The following ST6GALNAC3 variants were observed in gnomAD, a reference collection of about 807,000 sequenced individuals.
The protein encoded by ST6GALNAC3 is ST6 N-acetylgalactosaminide alpha-2,6-sialyltransferase 3, also known as alpha-N-acetylgalactosaminide alpha-2,6-sialyltransferase 3.
ST6GALNAC3 carries 25 observed loss-of-function variants against 32.7 expected under a neutral mutation model. The ratio of observed to expected loss-of-function variants is 0.76; its 90% CI spans 0.56 to 1.07. The LOEUF (loss-of-function observed/expected upper bound fraction) is 1.07, where lower values mean the gene tolerates loss of function less well. Among genes scored for constraint, ST6GALNAC3 ranks in the 50% least tolerant of loss-of-function variants. The pLI, the probability that ST6GALNAC3 is intolerant of heterozygous loss-of-function variation, is 0.00. For synonymous variants in ST6GALNAC3, 129 were observed against 133.1 expected, an observed-to-expected ratio of 0.97 and a Z score of 0.21; for missense variants, 355 against 382.4, an observed-to-expected ratio of 0.93 and a Z score of 0.60.
intron 3 of ST6GALNAC3, among the ~76,000 whole-genome samples, chr1:76,577,699 G>A (rs1161124672): frequency 1.3e-5 from 2 of 151,930 alleles, no homozygotes; most frequent in Non-Finnish European, 2.9e-5. Context: ...CCCATTAGTG[G>A]TCATGGAAAC....
chr1:76,528,963 A>G lies in ST6GALNAC3; in HGVS notation c.624-98489A>G, dbSNP rs114136192. On this transcript the variant is annotated intron_variant, in intron 3 of 4. Transcript: ENST00000328299. The stretch of plus-strand genomic sequence containing the variant: ...AGCAGTGGGAAACAGGACTTGGAAT[A>G]TAAGTATGCCAATATCATGAACACT... 1.8e-3 allele frequency among the ~76,000 whole-genome samples: 276 copies of G among 151,434 alleles called. 1 individual carries two copies. Among genetic ancestry groups the G allele is most frequent in the African/African-American group, 6.1e-3 (251 of 41,290 alleles).
intron 3 of ST6GALNAC3, among the ~76,000 whole-genome samples, chr1:76,475,925 C>T (rs1228956895): frequency 2.6e-5 from 4 of 152,118 alleles, no homozygotes; most frequent in African/African-American, 9.7e-5. Context: ...GTTCAACTCC[C>T]ACTTATAGGT....
intron 4 of ST6GALNAC3, among the ~76,000 whole-genome samples, chr1:76,628,240 T>C (rs1342738576): frequency 6.6e-6 from 1 of 151,944 alleles, no homozygotes; most frequent in Non-Finnish European, 1.5e-5. Flanking sequence ...TGAACAAATA[T>C]TTCTTCCCTA....
At chr1:76,286,482 C>T (rs1196001398) in intron 1 of ST6GALNAC3, among the ~76,000 whole-genome samples, 8 of 152,202 alleles carry the variant, frequency 5.3e-5, no homozygotes, top group Admixed American at 5.2e-4. Flanking sequence ...CATCGGACGC[C>T]AGTCTCCTAT....
intron 1 of ST6GALNAC3, among the ~76,000 whole-genome samples, chr1:76,300,857 G>A (rs1267073856): frequency 1.3e-5 from 2 of 151,974 alleles, no homozygotes; most frequent in African/African-American, 4.8e-5. Context: ...GGAGGGGCAG[G>A]ACGGTTTCAC....
At chr1:76,414,622 G>A (rs934582740) in intron 3 of ST6GALNAC3, among the ~76,000 whole-genome samples, 15 of 152,084 alleles carry the variant, frequency 9.9e-5, no homozygotes, top group Admixed American at 8.5e-4. Flanking sequence ...CACTAGTGGT[G>A]TAATGAGCCT....
intron 3 of ST6GALNAC3, among the ~76,000 whole-genome samples, chr1:76,498,221 A>G (rs1286763549): frequency 6.6e-6 from 1 of 152,214 alleles, no homozygotes; most frequent in African/African-American, 2.4e-5. Context: ...ATTTAAGTTT[A>G]GAGAAGGTTG....
chr1:76,181,774 T>C (rs1176616610), intron 1 of ST6GALNAC3, among the ~76,000 whole-genome samples: 1 of 152,224 alleles, frequency 6.6e-6, no homozygotes, highest in Non-Finnish European at 1.5e-5. Flanking sequence ...ATTATAACTT[T>C]AGTTCAAATA....
At chr1:76,576,142 G>A (rs144516665) in intron 3 of ST6GALNAC3, among the ~76,000 whole-genome samples, 13 of 152,126 alleles carry the variant, frequency 8.5e-5, no homozygotes, top group South Asian at 2.1e-4. Flanking sequence ...AACTCTGCTC[G>A]AAAATTTCTC....
intron 1 of ST6GALNAC3, among the ~76,000 whole-genome samples, chr1:76,153,441 C>T (rs1651182066): frequency 6.6e-6 from 1 of 152,164 alleles, no homozygotes; most frequent in African/African-American, 2.4e-5. Context: ...TGTCTCACCG[C>T]CAGAGAGCTG....
intron 3 of ST6GALNAC3, among the ~76,000 whole-genome samples, chr1:76,451,514 G>A (rs1042591371): frequency 1.7e-4 from 26 of 152,146 alleles, no homozygotes; most frequent in African/African-American, 5.8e-4. Flanking sequence ...TAAGTTTTGG[G>A]TGGGGGCACA....
At chr1:76,550,457 T>A (rs991795081) in intron 3 of ST6GALNAC3, among the ~76,000 whole-genome samples, 2 of 152,210 alleles carry the variant, frequency 1.3e-5, no homozygotes, top group Non-Finnish European at 2.9e-5. Flanking sequence ...TTTGCATGTA[T>A]GTGTGTGTCT....
At chr1:76,619,121 G>T (rs1644933545) in intron 3 of ST6GALNAC3, among the ~76,000 whole-genome samples, 1 of 152,062 alleles carries the variant, frequency 6.6e-6, no homozygotes, top group African/African-American at 2.4e-5. Flanking sequence ...GGATAAGAGG[G>T]TATATAATAC....
At chr1:76,514,752 A>G (rs899242310) in intron 3 of ST6GALNAC3, among the ~76,000 whole-genome samples, 2 of 152,136 alleles carry the variant, frequency 1.3e-5, no homozygotes, top group African/African-American at 2.4e-5. Context: ...TTCTTTATAA[A>G]TTACCCAGTC....
chr1:76,446,689 G>A (rs1007166700), intron 3 of ST6GALNAC3, among the ~76,000 whole-genome samples: 6 of 152,120 alleles, frequency 3.9e-5, no homozygotes, highest in African/African-American at 1.4e-4. Flanking sequence ...TCTTTCCCAT[G>A]CTGTTCTCAT....
chr1:76,132,073 C>G (rs1398624770), intron 1 of ST6GALNAC3, among the ~76,000 whole-genome samples: 2 of 152,194 alleles, frequency 1.3e-5, no homozygotes, highest in East Asian at 3.9e-4. Context: ...ATAATAATCA[C>G]TAAGCAACAG....
chr1:76,457,742 A>C (rs1187516730), intron 3 of ST6GALNAC3, among the ~76,000 whole-genome samples: 1 of 152,196 alleles, frequency 6.6e-6, no homozygotes, highest in Non-Finnish European at 1.5e-5. Context: ...TTCAAGCTGG[A>C]TTAAAGATTT....
At position 76,449,904 on chromosome 1, in the gene ST6GALNAC3, G is replaced by A. The variant is rs546733761; in HGVS notation, c.623+37487G>A. Reference sequence around the variant, plus strand: ...TTCAGTGGTGATATCTAAGATTTTGGTGCACCCATCACCCAAACAGTGTAC... The same window carrying A: ...TTCAGTGGTGATATCTAAGATTTTGATGCACCCATCACCCAAACAGTGTAC... On this transcript the variant is annotated intron_variant, in intron 3 of 4. Transcript: ENST00000328299. Among the ~76,000 whole-genome samples, 5 of 152,002 alleles carry A rather than the reference G, an allele frequency of 3.3e-5. 1 individual carries two copies. Among genetic ancestry groups the A allele is most frequent in the African/African-American group, 1.2e-4 (5 of 41,388 alleles).
At chr1:76,537,183 C>G (rs1663664833) in intron 3 of ST6GALNAC3, among the ~76,000 whole-genome samples, 1 of 152,162 alleles carries the variant, frequency 6.6e-6, no homozygotes, top group South Asian at 2.1e-4. Flanking sequence ...GAATAAGAAA[C>G]TCACTCAAAA....
Sources: allele counts gnomAD v4.1 joint callset (sites outside exome capture counted in the v4.1 genomes callset), GRCh38; gene constraint gnomAD v4.1.1; transcripts MANE v1.5; gene names NCBI Gene and HGNC (gene_info 2026-07-23, HGNC 2026-07-21).